Variants in PTPRD observed in about 807,000 individuals in gnomAD.
The protein encoded by PTPRD is receptor-type tyrosine-protein phosphatase delta.
In PTPRD, 34 loss-of-function variants were observed where a neutral mutation model predicts 214.5. The observed-to-expected ratio is 0.16, with a 90% CI of 0.12 to 0.21. The LOEUF (loss-of-function observed/expected upper bound fraction) is 0.21. PTPRD is among the 10% of genes least tolerant of loss of function. The pLI is 1.00. For synonymous variants in PTPRD, 1,128 were observed against 845.7 expected (o/e 1.33, Z -5.79); for missense variants, 2,545 against 2,398.7 (o/e 1.06, Z -1.27).
At chr9:9,957,307 T>C (rs922361619) in intron 4 of PTPRD, among the ~76,000 whole-genome samples, 4 of 152,154 alleles carry the variant, frequency 2.6e-5, no homozygotes, top group African/African-American at 9.6e-5. Flanking sequence ...CTGTGAAACA[T>C]TAATGTACAA....
intron 8 of PTPRD, among the ~76,000 whole-genome samples, chr9:9,490,241 T>C (rs1365257024): frequency 6.6e-6 from 1 of 151,846 alleles, no homozygotes; most frequent in East Asian, 1.9e-4. Flanking sequence ...AAACCTACCC[T>C]GCAAAAAAAG....
intron 5 of PTPRD, among the ~76,000 whole-genome samples, chr9:9,801,016 A>G (rs73396844): frequency 0.036 from 5,505 of 152,224 alleles, 331 homozygotes; most frequent in African/African-American, 0.13. Context: ...TAAGAAAGAT[A>G]TTATAAATAG....
chr9:10,231,807 A>C, intron 3 of PTPRD, among the ~76,000 whole-genome samples: 1 of 151,866 alleles, frequency 6.6e-6, no homozygotes, highest in Middle Eastern at 3.4e-3. Context: ...GTGATTCCCA[A>C]TGTGGTGGTA....
chr9:9,090,919 A>G, intron 10 of PTPRD: 2 of 1,519,862 alleles, frequency 1.3e-6, no homozygotes, highest in East Asian at 2.2e-5. Context: ...AAGAAGGAAC[A>G]ATGGTCGTGC....
intron 10 of PTPRD, among the ~76,000 whole-genome samples, chr9:9,164,641 G>A (rs112698113): frequency 1.9e-3 from 287 of 152,230 alleles, no homozygotes; most frequent in African/African-American, 6.5e-3. Flanking sequence ...GCCTAGCACA[G>A]TGCCTTACCT....
intron 14 of PTPRD, among the ~76,000 whole-genome samples, chr9:8,534,884 A>G (rs1036185715): frequency 5.3e-5 from 8 of 151,942 alleles, no homozygotes; most frequent in African/African-American, 1.7e-4. Context: ...TATTGAAACA[A>G]GAAGATAATT....
intron 2 of PTPRD, among the ~76,000 whole-genome samples, chr9:10,387,079 G>T (rs1333784205): frequency 1.3e-5 from 2 of 151,744 alleles, no homozygotes; most frequent in African/African-American, 4.8e-5. Context: ...AAAATAAAAA[G>T]ATTGTTCGCA....
chr9:9,679,625 A>C (rs1390788838), intron 7 of PTPRD, among the ~76,000 whole-genome samples: 1 of 151,908 alleles, frequency 6.6e-6, no homozygotes, highest in East Asian at 1.9e-4. Flanking sequence ...TTTATGAAGT[A>C]GTCATTAAAC....
In PTPRD at chr9:9,838,327, C is replaced by T. The variant is rs1219776422; in HGVS notation, c.-367-71476G>A. On this transcript the variant is annotated intron_variant, in intron 5 of 45. Transcript: ENST00000381196. Reference sequence around the variant, plus strand: ...TCAAATGGTATTTCTAGTTCTAGATCCCTGAGGAATCGCCACACTGACTTC... The same window carrying T: ...TCAAATGGTATTTCTAGTTCTAGATTCCTGAGGAATCGCCACACTGACTTC... Among the ~76,000 whole-genome samples the T allele has an allele frequency of 3.3e-5, 5 of 152,056 alleles. No homozygotes were observed. The South Asian group carries it at 1.0e-3, about 32-fold the overall frequency.
At position 10,093,773 on chromosome 9, in the gene PTPRD, G is replaced by C. The variant is rs978123590; in HGVS notation, c.-544-59983C>G. ...ATGCAGCCATAAAAAGAACAAAATC[G>C]TGTCCTTTGCAGTAACATGGATGCA... On this transcript the variant is annotated intron_variant, in intron 3 of 45. Transcript: ENST00000381196. 4.6e-5 allele frequency among the ~76,000 whole-genome samples: 7 copies of C among 151,466 alleles called. No individual in the cohort carries two copies. In the East Asian group the frequency reaches 1.4e-3, roughly 30 times the overall value.
chr9:9,415,943 T>A (rs1366695310), intron 8 of PTPRD, among the ~76,000 whole-genome samples: 1 of 151,966 alleles, frequency 6.6e-6, no homozygotes, highest in Non-Finnish European at 1.5e-5. Flanking sequence ...AAAAGCAGAG[T>A]GCTTTTGAGT....
chr9:8,703,880 G>A (rs2098142524), intron 12 of PTPRD, among the ~76,000 whole-genome samples: 1 of 152,082 alleles, frequency 6.6e-6, no homozygotes, highest in Admixed American at 6.6e-5. Context: ...CCGAGCTCAT[G>A]ATTCTCCATT....
chr9:10,088,464 T>C (rs528236472), intron 3 of PTPRD, among the ~76,000 whole-genome samples: 1 of 151,796 alleles, frequency 6.6e-6, no homozygotes, highest in South Asian at 2.1e-4. Context: ...TCTTAGAAAA[T>C]TCAAGATATA....
At chr9:9,251,366 A>G (rs755257324) in intron 9 of PTPRD, among the ~76,000 whole-genome samples, 5 of 152,094 alleles carry the variant, frequency 3.3e-5, no homozygotes, top group Non-Finnish European at 5.9e-5. Flanking sequence ...TTCTAGCAAT[A>G]TATCTTCTAT....
At chr9:9,834,837 G>C (rs565224952) in intron 5 of PTPRD, among the ~76,000 whole-genome samples, 1 of 152,016 alleles carries the variant, frequency 6.6e-6, no homozygotes, top group African/African-American at 2.4e-5. Context: ...TTAATTGATT[G>C]GTGATAACAG....
intron 11 of PTPRD, among the ~76,000 whole-genome samples, chr9:8,933,923 C>G (rs925200364): frequency 6.6e-6 from 1 of 152,098 alleles, no homozygotes; most frequent in Admixed American, 6.6e-5. Context: ...CCATATAGAA[C>G]TCCTTTCCCA....
intron 11 of PTPRD, among the ~76,000 whole-genome samples, chr9:8,880,825 T>A (rs1192015898): frequency 1.3e-5 from 2 of 152,186 alleles, no homozygotes; most frequent in Non-Finnish European, 2.9e-5. Context: ...GACTCTGTCA[T>A]CCAGGCTGGA....
chr9:9,447,918 A>G (rs893032041), intron 8 of PTPRD, among the ~76,000 whole-genome samples: 1 of 152,096 alleles, frequency 6.6e-6, no homozygotes, highest in African/African-American at 2.4e-5. Flanking sequence ...CTGAGTGATG[A>G]AAGATCAAGG....
At chr9:9,080,656 A>G (rs1367934291) in intron 10 of PTPRD, among the ~76,000 whole-genome samples, 3 of 152,128 alleles carry the variant, frequency 2.0e-5, no homozygotes, top group Non-Finnish European at 4.4e-5. Flanking sequence ...TTCTGGGTCT[A>G]TCCCACTTAA....
Sources: allele counts gnomAD v4.1 joint callset (sites outside exome capture counted in the v4.1 genomes callset), GRCh38; gene constraint gnomAD v4.1.1; transcripts MANE v1.5; gene names NCBI Gene and HGNC (gene_info 2026-07-23, HGNC 2026-07-21).